Variants in R3HDM1 observed in about 807,000 individuals in gnomAD.
R3HDM1 encodes the protein R3H domain containing 1.
In R3HDM1, 46 loss-of-function variants were observed where a neutral mutation model predicts 141.1. The observed-to-expected ratio is 0.33, with a 90% CI of 0.26 to 0.42. The LOEUF (loss-of-function observed/expected upper bound fraction) is 0.42. Ranked by LOEUF, R3HDM1 falls within the 10% of genes least tolerant of loss-of-function variation. R3HDM1 has a pLI of 1.00. For synonymous variants in R3HDM1, 435 were observed against 472.9 expected (o/e 0.92, Z 1.04); for missense variants, 1,184 against 1,368.3 (o/e 0.87, Z 2.12).
At position 135,722,021 on chromosome 2, in the gene R3HDM1, T is replaced by A. The variant is rs2076743434; in HGVS notation, c.2964+15T>A. On this transcript the variant is annotated intron_variant, in intron 25 of 26. Transcript: ENST00000683871. ...CAAACCAACAGGTAGGAAAGACAAC[T>A]AACCTCCTAGGCTTTGTTGCAGAAC... The A allele has an allele frequency of 6.2e-7, 1 of 1,601,116 alleles. No homozygotes were observed. The highest frequency in any genetic ancestry group is 8.6e-7 in the Non-Finnish European group (1 of 1,168,130).
chr2:135,587,154 T>A (rs1708127080), intron 1 of R3HDM1: 1 of 328,432 alleles, frequency 3.0e-6, no homozygotes, highest in Non-Finnish European at 4.4e-6. Context: ...AGTATCTTAT[T>A]CCTAATTATA....
At chr2:135,575,010 AG>A (rs1285858918) in intron 1 of R3HDM1, among the ~76,000 whole-genome samples, 1 of 152,224 alleles carries the variant, frequency 6.6e-6, no homozygotes, top group Non-Finnish European at 1.5e-5. Context: ...TGGGTAAAGA[AG>A]AAAGACTATC....
intron 21 of R3HDM1, among the ~76,000 whole-genome samples, chr2:135,692,102 G>A (rs1041175812): frequency 2.6e-5 from 4 of 151,936 alleles, no homozygotes; most frequent in Non-Finnish European, 5.9e-5. Flanking sequence ...TAGTGTAGGC[G>A]GGGTTCACCA....
At chr2:135,541,082 C>T (rs1697377954) in intron 1 of R3HDM1, among the ~76,000 whole-genome samples, 1 of 152,084 alleles carries the variant, frequency 6.6e-6, no homozygotes, top group Non-Finnish European at 1.5e-5. Flanking sequence ...TGCTGTCATC[C>T]AGGCTTTGTT....
chr2:135,600,121 T>TC (rs2059508238), intron 1 of R3HDM1, among the ~76,000 whole-genome samples: 1 of 146,110 alleles, frequency 6.8e-6, no homozygotes, highest in African/African-American at 2.5e-5. Context: ...TTTTTTTTTT[T>TC]TTTTTTTGTA....
chr2:135,665,552 T>C (rs935232423), intron 19 of R3HDM1: 2 of 445,952 alleles, frequency 4.5e-6, no homozygotes, highest in African/African-American at 4.1e-5. Context: ...TAACATTTGT[T>C]TATATTTTTC....
At chr2:135,672,152 A>C (rs1485989440) in intron 19 of R3HDM1, among the ~76,000 whole-genome samples, 1 of 152,210 alleles carries the variant, frequency 6.6e-6, no homozygotes, top group Non-Finnish European at 1.5e-5. Flanking sequence ...CATTATTTTT[A>C]ATAGCTCCAC....
chr2:135,595,023 T>C (rs1272907815), intron 1 of R3HDM1, among the ~76,000 whole-genome samples: 1 of 149,352 alleles, frequency 6.7e-6, no homozygotes, highest in Non-Finnish European at 1.5e-5. Flanking sequence ...TTCATTAACA[T>C]TGATAACTCA....
intron 1 of R3HDM1, among the ~76,000 whole-genome samples, chr2:135,587,744 T>C (rs1445842051): frequency 6.6e-6 from 1 of 152,186 alleles, no homozygotes; most frequent in African/African-American, 2.4e-5. Context: ...GCTTTGCTTT[T>C]TCATACTTTT....
At chr2:135,629,201 C>T (rs965422754) in intron 7 of R3HDM1, among the ~76,000 whole-genome samples, 4 of 151,902 alleles carry the variant, frequency 2.6e-5, no homozygotes, top group African/African-American at 9.7e-5. Flanking sequence ...CCTGTAACCC[C>T]AGCTACCGGG....
chr2:135,560,237 A>G (rs999814505), intron 1 of R3HDM1, among the ~76,000 whole-genome samples: 2 of 152,236 alleles, frequency 1.3e-5, no homozygotes, highest in Non-Finnish European at 2.9e-5. Context: ...AAACCAAAGA[A>G]TTTAAACATG....
chr2:135,704,132 C>A (rs1423482546), intron 21 of R3HDM1, among the ~76,000 whole-genome samples: 1 of 152,186 alleles, frequency 6.6e-6, no homozygotes, highest in Non-Finnish European at 1.5e-5. Flanking sequence ...AGGCACCCAC[C>A]ACCACGCCCA....
chr2:135,691,952 C>G (rs2072464549), intron 21 of R3HDM1, among the ~76,000 whole-genome samples: 2 of 151,798 alleles, frequency 1.3e-5, no homozygotes, highest in South Asian at 4.2e-4. Context: ...TCACTCTAGC[C>G]CAGGCTGGAG....
At position 135,709,475 on chromosome 2, in the gene R3HDM1, A is replaced by G; in HGVS notation, c.2502A>G (p.Val834=). Reference sequence around the variant, plus strand: ...TGCAACATCCAGGATCAGAACAAGTACAATTTCCTCGAACCACTTCACCAT... The same window carrying G: ...TGCAACATCCAGGATCAGAACAAGTGCAATTTCCTCGAACCACTTCACCAT... ...GYLQHPGSEQ[V]QFPRTTSPCS... The change falls in exon 22 of 27, where the codon GTA becomes GTG. Residue 834 remains valine, a synonymous_variant. Transcript: ENST00000683871. 1 of 1,614,184 alleles carries G rather than the reference A, an allele frequency of 6.2e-7. No individual in the cohort carries two copies.
intron 1 of R3HDM1, among the ~76,000 whole-genome samples, chr2:135,544,711 A>C (rs1482324703): frequency 1.3e-5 from 2 of 152,202 alleles, no homozygotes; most frequent in Non-Finnish European, 1.5e-5. Context: ...CTGTAATCCC[A>C]GCAGTTTGGG....
intron 21 of R3HDM1, among the ~76,000 whole-genome samples, chr2:135,690,223 A>T (rs954626627): frequency 6.6e-6 from 1 of 151,834 alleles, no homozygotes; most frequent in Admixed American, 6.6e-5. Flanking sequence ...CTAAGCTTCT[A>T]GTTTGACATT....
intron 20 of R3HDM1, among the ~76,000 whole-genome samples, chr2:135,678,567 G>A (rs2069621130): frequency 6.6e-6 from 1 of 151,634 alleles, no homozygotes; most frequent in Non-Finnish European, 1.5e-5. Context: ...GGCCAACATG[G>A]TGAAACCCCA....
intron 19 of R3HDM1, among the ~76,000 whole-genome samples, chr2:135,673,979 G>A (rs2068769694): frequency 6.6e-6 from 1 of 152,082 alleles, no homozygotes; most frequent in Non-Finnish European, 1.5e-5. Context: ...GCCCAGGCTG[G>A]TCTCAAACTC....
intron 1 of R3HDM1, chr2:135,543,277 C>A: frequency 5.2e-6 from 1 of 191,386 alleles, no homozygotes; most frequent in Non-Finnish European, 9.6e-6. Flanking sequence ...ATCGATTGAT[C>A]AAAAAATGTG....
Sources: allele counts gnomAD v4.1 joint callset (sites outside exome capture counted in the v4.1 genomes callset), GRCh38; gene constraint gnomAD v4.1.1; transcripts MANE v1.5; gene names NCBI Gene and HGNC (gene_info 2026-07-23, HGNC 2026-07-21).